TIMM17A: variants seen among roughly 807,000 people sequenced by gnomAD.
The protein encoded by TIMM17A is mitochondrial import inner membrane translocase subunit Tim17-A.
Under a neutral mutation model 26.5 loss-of-function variants are expected in TIMM17A, and 15 were observed. The observed-to-expected ratio is 0.57, with a 90% CI of 0.38 to 0.87. The LOEUF (loss-of-function observed/expected upper bound fraction) is 0.87. Among genes scored for constraint, TIMM17A ranks in the 40% least tolerant of loss-of-function variants. TIMM17A has a pLI of 0.00. For missense variants in TIMM17A, 201 were observed against 210.0 expected, an observed-to-expected ratio of 0.96 and a Z score of 0.27; for synonymous variants, 80 against 70.8, an observed-to-expected ratio of 1.13 and a Z score of -0.66.
rs570309464 is a variant in TIMM17A, at chr1:201,964,635, C to CTTTTTTTT, written c.320-774_320-767dup. Among the ~76,000 whole-genome samples, 57 of 90,936 alleles carry CTTTTTTTT rather than the reference C, an allele frequency of 6.3e-4. 4 individuals are homozygous for CTTTTTTTT. Among genetic ancestry groups the CTTTTTTTT allele is most frequent in the African/African-American group, 1.2e-3 (23 of 19,456 alleles). 59.7% of individuals were successfully genotyped at this position (90,936 alleles called of 152,430 possible). ...TTTATTTATTTATTTTATTTTATTT[C>CTTTTTTTT]TTTTTTTTTTTTTTTTTTTTTTTTT... On this transcript the variant is annotated intron_variant, in intron 4 of 5. Transcript: ENST00000367287.
rs542453649 is a variant in TIMM17A, at chr1:201,968,248, G to T, written c.431-1221G>T. On this transcript the variant is annotated intron_variant, in intron 5 of 5. Transcript: ENST00000367287. ...GAACTCCTGACCTCGTGATCCGCCC[G>T]CCTTGACCTCCCAAAGTGCTGGGAA... Among the ~76,000 whole-genome samples the T allele has an allele frequency of 1.1e-4, 17 of 151,908 alleles. No homozygotes were observed. The South Asian group carries it at 3.3e-3, about 30-fold the overall frequency.
chr1:201,962,004 GCT>G (rs1682542664), intron 3 of TIMM17A, among the ~76,000 whole-genome samples: 1 of 151,850 alleles, frequency 6.6e-6, no homozygotes, highest in Non-Finnish European at 1.5e-5. Flanking sequence ...GCCTCATCTG[GCT>G]CTGGATCCTC....
chr1:201,960,414 G>A (rs1250302058), intron 3 of TIMM17A, among the ~76,000 whole-genome samples: 2 of 151,654 alleles, frequency 1.3e-5, no homozygotes, highest in African/African-American at 2.4e-5. Context: ...AAAAAAAATA[G>A]TAATGTGTCA....
At chr1:201,967,988 T>C (rs1163845676) in intron 5 of TIMM17A, among the ~76,000 whole-genome samples, 1 of 151,972 alleles carries the variant, frequency 6.6e-6, no homozygotes, top group Non-Finnish European at 1.5e-5. Context: ...TGAACTTACA[T>C]GAAAAAGTTT....
intron 3 of TIMM17A, among the ~76,000 whole-genome samples, chr1:201,958,815 CTTTGCT>C (rs1170730400): frequency 6.6e-6 from 1 of 152,170 alleles, no homozygotes; most frequent in Non-Finnish European, 1.5e-5. Context: ...ATAATCTTCT[CTTTGCT>C]TTTCTTAACT....
chr1:201,967,445 T>C (rs1435434134), intron 5 of TIMM17A, among the ~76,000 whole-genome samples: 1 of 152,160 alleles, frequency 6.6e-6, no homozygotes, highest in East Asian at 1.9e-4. Flanking sequence ...TTAACTTAAA[T>C]AGTTACATTG....
chr1:201,963,232 C>T (rs1432631528), intron 3 of TIMM17A: 1 of 176,290 alleles, frequency 5.7e-6, no homozygotes, highest in Non-Finnish European at 1.2e-5. Context: ...CTCGCCACCA[C>T]ACCCGGCTAA....
intron 3 of TIMM17A, among the ~76,000 whole-genome samples, chr1:201,961,286 C>T (rs568128290): frequency 5.5e-4 from 84 of 151,694 alleles, no homozygotes; most frequent in Non-Finnish European, 8.2e-4. Context: ...AGGCTGGTCT[C>T]GAACTCTTGA....
At chr1:201,957,702 C>A in intron 3 of TIMM17A, 128 bp downstream of exon 3, 1 of 674,496 alleles carries the variant, frequency 1.5e-6, no homozygotes, top group Non-Finnish European at 2.4e-6. Flanking sequence ...AAACATATAT[C>A]CCTATAGTTT....
chr1:201,957,742 T>C, intron 3 of TIMM17A, 168 bp downstream of exon 3: 1 of 568,580 alleles, frequency 1.8e-6, no homozygotes, highest in South Asian at 2.7e-5. Context: ...TTTGAAAAAT[T>C]AACCTGAATT....
Position 201,969,538 on chromosome 1 carries a change from A to G in TIMM17A, c.500A>G (p.Tyr167Cys), listed in dbSNP as rs762667724. The stretch of plus-strand genomic sequence containing the variant: ...TTACCTTCCTCACCTTTTGGAGACT[A>G]TCGACAATATCAGTAGGACTTCTTT... ...TQLPSSPFGD[Y>C]RQYQ is the part of the protein sequence containing the mutation. The change falls in exon 6 of 6, where the codon TAT becomes TGT. Residue 167 changes from tyrosine (Y) to cysteine (C), a missense_variant. Coordinates refer to ENST00000367287, the MANE Select transcript of TIMM17A (RefSeq NM_006335.3). 1.9e-6 allele frequency: 3 copies of G among 1,613,568 alleles called. No individual in the cohort carries two copies. The highest frequency in any genetic ancestry group is 2.7e-5 in the African/African-American group (2 of 74,896).
At chr1:201,957,258 C>CTT (rs57833794) in intron 1 of TIMM17A, 23 bp from the exon 2 acceptor site, 46 of 1,462,166 alleles carry the variant, frequency 3.1e-5, no homozygotes, top group Middle Eastern at 1.8e-4. Context: ...GAAATATGGT[C>CTT]TTTTTTTTCC....
chr1:201,958,758 A>G (rs769121099), intron 3 of TIMM17A, among the ~76,000 whole-genome samples: 9 of 152,228 alleles, frequency 5.9e-5, no homozygotes, highest in Non-Finnish European at 7.3e-5. Context: ...TAAGACATGA[A>G]AAAATCTTAA....
Position 201,958,932 on chromosome 1 carries a change from G to A in TIMM17A, c.190+1358G>A, listed in dbSNP as rs372530583. Among the ~76,000 whole-genome samples the A allele has an allele frequency of 2.6e-3, 391 of 152,136 alleles. 8 individuals are homozygous for A. The South Asian group carries it at 0.05, about 19-fold the overall frequency. On this transcript the variant is annotated intron_variant, in intron 3 of 5. Transcript: ENST00000367287. Reference sequence around the variant, plus strand: ...AGGTAATGTTGTATCTTTTTCCTTTGTTCCCTGTGTAAGAATTATCTACCC... The same window carrying A: ...AGGTAATGTTGTATCTTTTTCCTTTATTCCCTGTGTAAGAATTATCTACCC...
At chr1:201,962,619 G>C (rs1682553780) in intron 3 of TIMM17A, 1 of 152,188 alleles carries the variant, frequency 6.6e-6, no homozygotes, top group Admixed American at 6.6e-5. Flanking sequence ...CAAAATGCTG[G>C]GATTGTAGGC....
At chr1:201,956,494 T>C (rs1431812589) in intron 1 of TIMM17A, among the ~76,000 whole-genome samples, 1 of 152,224 alleles carries the variant, frequency 6.6e-6, no homozygotes, top group South Asian at 2.1e-4. Context: ...ATACAAAATA[T>C]AAGTTTTAGG....
chr1:201,969,980 C>T lies in TIMM17A; in HGVS notation c.*426C>T, dbSNP rs1280605199. 2 of 157,932 alleles carry T rather than the reference C, an allele frequency of 1.3e-5. No homozygotes were observed. Among genetic ancestry groups the T allele is most frequent in the African/African-American group, 2.4e-5 (1 of 41,466 alleles). 9.8% of individuals were successfully genotyped at this position (157,932 alleles called of 1,614,324 possible). On this transcript the variant is annotated 3_prime_UTR_variant, in exon 6 of 6. Coordinates refer to ENST00000367287, the MANE Select transcript of TIMM17A (RefSeq NM_006335.3). ...GTTGTAGACTTCGATGTTTCATGCT[C>T]ATGTACTTCAAATAATGCATGTTTT...
At chr1:201,965,386 A>G (rs751613965) in intron 4 of TIMM17A, 47 bp from the exon 5 acceptor site, 5 of 1,333,334 alleles carry the variant, frequency 3.8e-6, no homozygotes, top group Non-Finnish European at 5.4e-6. Context: ...TCTTACAGTA[A>G]ACTAGATTTC....
intron 1 of TIMM17A, 85 bp from the exon 2 acceptor site, chr1:201,957,196 C>T (rs914691934): frequency 1.2e-6 from 1 of 857,876 alleles, no homozygotes; most frequent in Non-Finnish European, 1.9e-6. Context: ...ATAATCTGTT[C>T]CATTATAATC....
Sources: allele counts gnomAD v4.1 joint callset (sites outside exome capture counted in the v4.1 genomes callset), GRCh38; gene constraint gnomAD v4.1.1; transcripts MANE v1.5; gene names NCBI Gene and HGNC (gene_info 2026-07-23, HGNC 2026-07-21).